Variants in NOP58 observed in about 807,000 individuals in gnomAD.
The protein encoded by NOP58 is nucleolar protein 58.
Under a neutral mutation model 71.2 loss-of-function variants are expected in NOP58, and 44 were observed. That is an observed-to-expected ratio of 0.62 (90% CI 0.49 to 0.79). The LOEUF (loss-of-function observed/expected upper bound fraction) is 0.79. Ranked by LOEUF, NOP58 falls within the 30% of genes least tolerant of loss-of-function variation. The pLI is 0.00. For synonymous variants in NOP58, 228 were observed against 200.3 expected, an observed-to-expected ratio of 1.14 and a Z score of -1.17; for missense variants, 538 against 620.2, an observed-to-expected ratio of 0.87 and a Z score of 1.41.
chr2:202,295,780 T>C lies in NOP58; in HGVS notation c.1014T>C (p.Tyr338=). The C allele has an allele frequency of 6.2e-7, 1 of 1,610,376 alleles. No homozygotes were observed. Among genetic ancestry groups the C allele is most frequent in the East Asian group, 2.2e-5 (1 of 44,832 alleles). ...ALKSRRDTPK[Y]GLIYHASLVG... ...AATCTAGACGGGATACCCCTAAGTA[T>C]GGTCTCATTTATCATGCTTCACTCG... Residue 338 remains tyrosine (Y), a synonymous_variant, in exon 10 of 15, where the codon TAT becomes TAC. Transcript: ENST00000264279.
intron 6 of NOP58, 130 bp from the exon 7 acceptor site, chr2:202,290,193 A>G (rs1328781528): frequency 4.6e-6 from 3 of 652,634 alleles, no homozygotes; most frequent in Middle Eastern, 4.1e-4. Context: ...TGACTTCGTG[A>G]TATGCCTGTC....
At chr2:202,268,855 G>A (rs750647690) in intron 1 of NOP58, among the ~76,000 whole-genome samples, 3 of 152,006 alleles carry the variant, frequency 2.0e-5, no homozygotes, top group African/African-American at 4.8e-5. Context: ...TGATCTGCCC[G>A]CCTCAGCCTC....
chr2:202,294,327 A>G (rs1574387538), intron 9 of NOP58, among the ~76,000 whole-genome samples: 1 of 134,898 alleles, frequency 7.4e-6, no homozygotes, highest in Non-Finnish European at 1.6e-5. Context: ...CAAGAGTGAA[A>G]CTCCATCTCA....
rs777135049 is a variant in NOP58 at position 202,302,926 on chromosome 2, G to T, written c.1408G>T (p.Glu470Ter). Residue 470 changes from glutamate to a stop codon, truncating the protein, a stop_gained, in exon 14 of 15, where the codon GAA (glutamate) becomes TAA (stop). Transcript: ENST00000264279. LOFTEE classifies it high-confidence loss of function. ...TTTACACTTACCCTATTCAGTTGAA[G>T]AAGAGGAAGAAGAAAAAGTGGCAGA... Reference protein sequence around the residue: ...KKAKIKVKVEEEEEEKVAEEE... With the variant: ...KKAKIKVKVE The T allele has an allele frequency of 6.2e-7, 1 of 1,602,830 alleles. No individual in the cohort carries two copies. Among genetic ancestry groups the T allele is most frequent in the Non-Finnish European group, 8.5e-7 (1 of 1,179,134 alleles).
chr2:202,291,277 T>G lies in NOP58; in HGVS notation c.780+7T>G. ...TCTGCATCTTTGCACCCAGGTAAAT[T>G]TTACTCCTGGAGAATCTAGTTGTGG... On this transcript the variant is annotated splice_region_variant and intron_variant, in intron 8 of 14. Transcript: ENST00000264279. The G allele has an allele frequency of 6.3e-7, 1 of 1,594,472 alleles. No homozygotes were observed. Among genetic ancestry groups the G allele is most frequent in the Non-Finnish European group, 8.5e-7 (1 of 1,173,234 alleles).
intron 9 of NOP58, 54 bp from the exon 10 acceptor site, chr2:202,295,620 G>A (rs773743310): frequency 3.4e-5 from 44 of 1,309,518 alleles, no homozygotes; most frequent in Middle Eastern, 4.1e-4. Context: ...GTTTCAGTAC[G>A]TGGAACATTC....
At chr2:202,281,467 A>G (rs768425704) in intron 3 of NOP58, among the ~76,000 whole-genome samples, 3 of 152,114 alleles carry the variant, frequency 2.0e-5, no homozygotes, top group Non-Finnish European at 4.4e-5. Context: ...TTGTTGAGAC[A>G]GGGTCTGTCA....
chr2:202,274,507 G>A (rs1457113482), intron 1 of NOP58, among the ~76,000 whole-genome samples: 1 of 150,062 alleles, frequency 6.7e-6, no homozygotes, highest in African/African-American at 2.5e-5. Context: ...CTCCCAAAGT[G>A]CTGGGATTAC....
chr2:202,272,128 A>G (rs28396490), intron 1 of NOP58, among the ~76,000 whole-genome samples: 3 of 147,856 alleles, frequency 2.0e-5, no homozygotes, highest in Non-Finnish European at 4.5e-5. Context: ...AGATGATTTT[A>G]GGGGTTTGTT....
At position 202,303,487 on chromosome 2, in the gene NOP58, C is replaced by CA. The variant is rs1359909628; in HGVS notation, c.*53dup. On this transcript the variant is annotated 3_prime_UTR_variant, in exon 15 of 15. Coordinates refer to ENST00000264279, the MANE Select transcript of NOP58 (RefSeq NM_015934.5). Reference sequence around the variant, plus strand: ...CCGGACACACATCATGCTTAAGATTCAACTGGGAGCATACCAGGGATGCTC... The same window carrying CA: ...CCGGACACACATCATGCTTAAGATTCAAACTGGGAGCATACCAGGGATGCTC... The CA allele has an allele frequency of 3.2e-6, 5 of 1,570,538 alleles. No homozygotes were observed. Among genetic ancestry groups the CA allele is most frequent in the Non-Finnish European group, 4.3e-6 (5 of 1,157,090 alleles).
chr2:202,280,196 C>G (rs1375970566), intron 3 of NOP58, among the ~76,000 whole-genome samples: 3 of 152,126 alleles, frequency 2.0e-5, no homozygotes, highest in African/African-American at 7.2e-5. Context: ...CATTTTAAAC[C>G]TCATAGCCTT....
At chr2:202,282,209 CAT>C (rs1324237391) in intron 3 of NOP58, 140 bp from the exon 4 acceptor site, 8 of 653,942 alleles carry the variant, frequency 1.2e-5, no homozygotes, top group East Asian at 5.4e-5. Context: ...ACTTATAAAA[CAT>C]ATATCATTTC....
intron 9 of NOP58, among the ~76,000 whole-genome samples, chr2:202,294,052 C>T (rs958931379): frequency 5.3e-5 from 8 of 151,796 alleles, no homozygotes; most frequent in East Asian, 1.9e-4. Context: ...TGGTGGCTCA[C>T]GCCTGTAATC....
intron 7 of NOP58, 144 bp downstream of exon 7, chr2:202,290,601 C>A (rs1230941164): frequency 1.5e-6 from 1 of 685,936 alleles, no homozygotes; most frequent in Non-Finnish European, 2.4e-6. Flanking sequence ...AGTTTAGTGT[C>A]TTAAATTTAA....
intron 6 of NOP58, among the ~76,000 whole-genome samples, chr2:202,288,687 C>T (rs565582838): frequency 3.4e-5 from 5 of 149,100 alleles, no homozygotes; most frequent in East Asian, 2.0e-4. Context: ...TGATGGTAGG[C>T]GCCTGTAATC....
At chr2:202,299,339 C>T (rs1468134027) in intron 12 of NOP58, among the ~76,000 whole-genome samples, 3 of 152,126 alleles carry the variant, frequency 2.0e-5, no homozygotes, top group Non-Finnish European at 2.9e-5. Context: ...ATTATAAATA[C>T]ATATTTAAGT....
In NOP58 at chr2:202,303,019, C is replaced by T; in HGVS notation, c.1501C>T (p.Leu501Phe). The change falls in exon 14 of 15, where the codon CTT becomes TTT. Residue 501 changes from leucine (L) to phenylalanine (F), a missense_variant. Transcript: ENST00000264279. ...GKKKHIKEEP[L>F]SEEEPCTSTA... ...AAAGAAACACATTAAGGAAGAACCA[C>T]TTTCTGAGGAAGAACCATGTACCAG... is the stretch of plus-strand genomic sequence containing the variant. 1 of 1,612,798 alleles carries T rather than the reference C, an allele frequency of 6.2e-7. No homozygotes were observed. Among genetic ancestry groups the T allele is most frequent in the South Asian group, 1.1e-5 (1 of 90,944 alleles).
chr2:202,300,007 C>T (rs948999009), intron 12 of NOP58: 4 of 414,714 alleles, frequency 9.6e-6, no homozygotes, highest in African/African-American at 6.4e-5. Context: ...AATCAGAATT[C>T]ATTTAGCTCA....
intron 12 of NOP58, among the ~76,000 whole-genome samples, chr2:202,299,054 G>A (rs958243566): frequency 3.6e-5 from 5 of 140,688 alleles, no homozygotes; most frequent in Admixed American, 2.4e-4. Flanking sequence ...CTGACTCCCC[G>A]GTTCAAGTTA....
Sources: gnomAD v4.1 joint callset for allele counts (sites outside exome capture counted in the v4.1 genomes callset) on GRCh38, gnomAD v4.1.1 for gene constraint, MANE v1.5 for transcripts, NCBI Gene and HGNC (gene_info 2026-07-23, HGNC 2026-07-21) for gene names.